The following LRCH4 variants were observed in gnomAD, a reference collection of about 807,000 sequenced individuals.
The protein encoded by LRCH4 is leucine-rich repeat and calponin homology domain-containing protein 4.
LRCH4 carries 56 observed loss-of-function variants against 81.2 expected under a neutral mutation model. The observed-to-expected ratio is 0.69, with a 90% CI of 0.56 to 0.86. LRCH4 has a LOEUF of 0.86. Among genes scored for constraint, LRCH4 ranks in the 40% least tolerant of loss-of-function variants. The pLI is 0.00. For missense variants in LRCH4, 895 were observed against 922.8 expected (o/e 0.97, Z 0.39); for synonymous variants, 442 against 409.7 (o/e 1.08, Z -0.95).
rs375173199 is a variant in LRCH4 at position 100,576,964 on chromosome 7, G to A, written c.1406C>T (p.Ala469Val). The A allele has an allele frequency of 1.1e-5, 17 of 1,592,938 alleles. No individual in the cohort carries two copies. Among genetic ancestry groups the A allele is most frequent in the African/African-American group, 5.4e-5 (4 of 74,672 alleles). Residue 469 changes from alanine to valine, a missense_variant, in exon 13 of 18, where the codon GCG (alanine) becomes GTG (valine). Transcript: ENST00000310300. The part of the protein sequence containing the change: ...KSSASQAGAA[A>V]GQGAPAPAPA... ...GGCAGGGGCGGGGGCTCCCTGCCCC[G>A]CTGCAGCCCCTGCTTGGGAGGCACT...
At chr7:100,576,406 A>C (rs1056763033) in intron 14 of LRCH4, 83 bp from the exon 15 acceptor site, 14 of 904,334 alleles carry the variant, frequency 1.5e-5, no homozygotes, top group Admixed American at 4.4e-5. Flanking sequence ...TGGCACCTAC[A>C]CCTCCTGCCT....
At position 100,577,845 on chromosome 7, in the gene LRCH4, C is replaced by T; in HGVS notation, c.1016G>A (p.Arg339Lys). 1 of 1,613,220 alleles carries T rather than the reference C, an allele frequency of 6.2e-7. No homozygotes were observed. The highest frequency in any genetic ancestry group is 8.5e-7 in the Non-Finnish European group (1 of 1,179,272). ...ACCTGAGCCATCCTCCTTGCGTTCT[C>T]TGGGTCCCCGGGGCTCCCGGGCCAG... is the stretch of plus-strand genomic sequence containing the variant. Reference protein sequence around the residue: ...SELAREPRGPRERKEDGSADG... With the variant: ...SELAREPRGPKERKEDGSADG... Residue 339 changes from arginine to lysine, a missense_variant, in exon 8 of 18, where the codon AGA becomes AAA. By Grantham distance (26) the Arg-to-Lys change is conservative. Transcript: ENST00000310300. The surrounding 1 kb of genome is among the most constrained non-coding windows in gnomAD (Gnocchi z 6.7).
chr7:100,580,403 A>ATC (rs1229771547), intron 4 of LRCH4: 2 of 89,186 alleles, frequency 2.2e-5, no homozygotes, highest in East Asian at 2.4e-4. Context: ...TCATACACAC[A>ATC]TCACACACAC....
chr7:100,574,755 G>GC lies in LRCH4; in HGVS notation c.*351dup, dbSNP rs1052828981. The GC allele has an allele frequency of 1.6e-4, 40 of 255,488 alleles. No individual in the cohort carries two copies. Among genetic ancestry groups the GC allele is most frequent in the Non-Finnish European group, 1.3e-4 (17 of 131,778 alleles). 15.8% of individuals were successfully genotyped at this position (255,488 alleles called of 1,614,324 possible). ...CTCTCTACAAAATAGAGATAATTTA[G>GC]CCCCCCCATAGCAGCTGTTGGGGGG... On this transcript the variant is annotated 3_prime_UTR_variant, in exon 18 of 18. Transcript: ENST00000310300.
At chr7:100,584,815 A>C (rs939870354) in intron 1 of LRCH4, 2 of 456,292 alleles carry the variant, frequency 4.4e-6, no homozygotes, top group African/African-American at 4.0e-5. Context: ...GGGAGAAGTA[A>C]GCACTATCCT....
chr7:100,579,320 C>T (rs567070506), intron 4 of LRCH4: 137 of 155,496 alleles, frequency 8.8e-4, no homozygotes, highest in Non-Finnish European at 1.5e-3. Context: ...AGTCTGGGAC[C>T]GGCACGGTGG....
Position 100,577,753 on chromosome 7 carries a change from G to C in LRCH4, c.1040-13C>G, listed in dbSNP as rs1801419781. 4 of 1,614,100 alleles carry C rather than the reference G, an allele frequency of 2.5e-6. No individual in the cohort carries two copies. The highest frequency in any genetic ancestry group is 2.2e-5 in the East Asian group (1 of 44,876). Reference sequence around the variant, plus strand: ...GGGTCTCCGTCCGCTGGGGAGGCCAGCATGTCAGCAAGTGAGCGGGGACCC... The same window carrying C: ...GGGTCTCCGTCCGCTGGGGAGGCCACCATGTCAGCAAGTGAGCGGGGACCC... On this transcript the variant is annotated splice_polypyrimidine_tract_variant and intron_variant, in intron 8 of 17. Coordinates refer to ENST00000310300, the MANE Select transcript of LRCH4 (RefSeq NM_002319.5). The surrounding 1 kb of genome is among the most constrained non-coding windows in gnomAD (Gnocchi z 6.7).
In LRCH4 at chr7:100,578,850, C is replaced by A; in HGVS notation, c.599-64G>T. On this transcript the variant is annotated intron_variant, in intron 4 of 17. Coordinates refer to ENST00000310300, the MANE Select transcript of LRCH4 (RefSeq NM_002319.5). This position sits in a 1 kb window ranked among gnomAD's most constrained non-coding sequence, Gnocchi z 5.7. ...CAGGGCTGTGGCCTCGTGCTCACTC[C>A]CTCACCCTTGGCTCCAGCTGGCCAG... is the stretch of plus-strand genomic sequence containing the variant. 1 of 1,563,510 alleles carries A rather than the reference C, an allele frequency of 6.4e-7. No homozygotes were observed. Among genetic ancestry groups the A allele is most frequent in the Non-Finnish European group, 8.7e-7 (1 of 1,151,004 alleles).
chr7:100,575,197 C>T lies in LRCH4; in HGVS notation c.1962G>A (p.Trp654Ter), dbSNP rs1801307231. 1 of 1,612,588 alleles carries T rather than the reference C, an allele frequency of 6.2e-7. No individual in the cohort carries two copies. The highest frequency in any genetic ancestry group is 1.3e-5 in the African/African-American group (1 of 74,890). ...RVGGKALPPLWPPSGLGGFVV... is the reference protein window; with the variant it reads ...RVGGKALPPL ...CGAAGCCGCCCAGACCAGAGGGGGG[C>T]CAGAGGGGCGGTAGGGCCTTGCCCC... Residue 654 changes from tryptophan (W) to a stop codon, truncating the protein, a stop_gained, in exon 18 of 18, where the codon TGG becomes TGA. Coordinates refer to ENST00000310300, the MANE Select transcript of LRCH4 (RefSeq NM_002319.5). LOFTEE classifies it high-confidence loss of function. This position sits in a 1 kb window ranked among gnomAD's most constrained non-coding sequence, Gnocchi z 5.3.
At position 100,574,414 on chromosome 7, in the gene LRCH4, G is replaced by A. The variant is rs1157795424; in HGVS notation, c.*693C>T. 2.6e-5 allele frequency: 4 copies of A among 154,542 alleles called. No individual in the cohort carries two copies. Among genetic ancestry groups the A allele is most frequent in the African/African-American group, 9.6e-5 (4 of 41,486 alleles). 9.6% of individuals were successfully genotyped at this position (154,542 alleles called of 1,614,324 possible). ...GTGCCCCCTGCGGCTTCCGGCCTGT[G>A]GCAGGGGGTCGGGGGCAGACCCGAG... On this transcript the variant is annotated 3_prime_UTR_variant, in exon 18 of 18. Coordinates refer to ENST00000310300, the MANE Select transcript of LRCH4 (RefSeq NM_002319.5).
intron 14 of LRCH4, 88 bp downstream of exon 14, chr7:100,576,606 G>T: frequency 8.5e-7 from 1 of 1,178,770 alleles, no homozygotes; most frequent in South Asian, 1.4e-5. Flanking sequence ...AGGTACAACA[G>T]ACCCAGAGGG....
At position 100,586,029 on chromosome 7, in the gene LRCH4, C is replaced by A; in HGVS notation, c.72G>T (p.Gly24=). 6.2e-7 allele frequency: 1 copy of A among 1,601,364 alleles called. No homozygotes were observed. Among genetic ancestry groups the A allele is most frequent in the South Asian group, 1.1e-5 (1 of 89,804 alleles). The stretch of plus-strand genomic sequence containing the variant: ...TGCGTCTCCCCGGCAGACCTGGAGA[C>A]CCGGGCACGGAGGTCGTGGCTGCCG... ...EEAAATTSVP[G]SPGLPGRRSA... is the part of the protein sequence containing the mutation. The change falls in exon 1 of 18, where the codon GGG becomes GGT. Residue 24 remains glycine (G), a synonymous_variant. Coordinates refer to ENST00000310300, the MANE Select transcript of LRCH4 (RefSeq NM_002319.5).
chr7:100,576,942 A>G lies in LRCH4; in HGVS notation c.1428T>C (p.Pro476=), dbSNP rs1584404373. 6.4e-7 allele frequency: 1 copy of G among 1,572,842 alleles called. No homozygotes were observed. The highest frequency in any genetic ancestry group is 1.9e-5 in the Admixed American group (1 of 53,696). Residue 476 remains proline, a synonymous_variant, in exon 13 of 18, where the codon CCT becomes CCC. Transcript: ENST00000310300. ...GAAGGGGCTCTTGGGAGGCAGGGGC[A>G]GGGGCGGGGGCTCCCTGCCCCGCTG... ...GAAAGQGAPA[P]APASQEPLPI...
In LRCH4 at chr7:100,582,673, C is replaced by T. The variant is rs186666856; in HGVS notation, c.221-214G>A. On this transcript the variant is annotated intron_variant, in intron 1 of 17. Coordinates refer to ENST00000310300, the MANE Select transcript of LRCH4 (RefSeq NM_002319.5). This position sits in a 1 kb window ranked among gnomAD's most constrained non-coding sequence, Gnocchi z 5.0. ...GGCACAGGGAAGGCAAAGGCCTTAGCGTCACTGGGCTAGAGAAGCCTCAGA... is the reference window on the plus strand; with the variant it reads ...GGCACAGGGAAGGCAAAGGCCTTAGTGTCACTGGGCTAGAGAAGCCTCAGA... Among the ~76,000 whole-genome samples, 6 of 152,212 alleles carry T rather than the reference C, an allele frequency of 3.9e-5. 1 individual carries two copies. The highest frequency in any genetic ancestry group is 1.2e-4 in the African/African-American group (5 of 41,464).
rs370740530 is a variant in LRCH4 at position 100,583,392 on chromosome 7, G to A, written c.221-933C>T. On this transcript the variant is annotated intron_variant, in intron 1 of 17. Coordinates refer to ENST00000310300, the MANE Select transcript of LRCH4 (RefSeq NM_002319.5). This position sits in a 1 kb window ranked among gnomAD's most constrained non-coding sequence, Gnocchi z 4.3. Reference sequence around the variant, plus strand: ...TTCCCTGTAGCACGGACCCACTAACGGCTTAGACCTGGAGAAGCCTGCCTT... The same window carrying A: ...TTCCCTGTAGCACGGACCCACTAACAGCTTAGACCTGGAGAAGCCTGCCTT... Among the ~76,000 whole-genome samples the A allele has an allele frequency of 8.5e-5, 13 of 152,162 alleles. No individual in the cohort carries two copies. Among genetic ancestry groups the A allele is most frequent in the African/African-American group, 2.7e-4 (11 of 41,444 alleles).
chr7:100,580,404 TCACACACA>T (rs60848197), intron 4 of LRCH4: 1,402 of 137,874 alleles, frequency 0.01, 21 homozygotes, highest in Middle Eastern at 0.074. Flanking sequence ...CATACACACA[TCACACACA>T]CACACACACA....
At chr7:100,579,964 T>G (rs1801479610) in intron 4 of LRCH4, 1 of 152,216 alleles carries the variant, frequency 6.6e-6, no homozygotes, top group African/African-American at 2.4e-5. Flanking sequence ...CTACCCCTTT[T>G]GACTGGGAAG....
In LRCH4 at chr7:100,586,084, G is replaced by T. The variant is rs1319571981; in HGVS notation, c.17C>A (p.Ala6Glu). 6.5e-7 allele frequency: 1 copy of T among 1,535,668 alleles called. No individual in the cohort carries two copies. Among genetic ancestry groups the T allele is most frequent in the African/African-American group, 1.4e-5 (1 of 72,088 alleles). The change falls in exon 1 of 18, where the codon GCG (alanine) becomes GAG (glutamate). Residue 6 changes from alanine (A) to glutamate (E), a missense_variant. By Grantham distance (107) the Ala-to-Glu change is moderately radical (BLOSUM62 -1). Transcript: ENST00000310300. MAAAV[A>E]APLAAGGEEA... ...CTCACCCCCGGCGGCGAGTGGAGCC[G>T]CTACGGCCGCCGCCATCCGCTCCCG...
chr7:100,578,641 C>G lies in LRCH4; in HGVS notation c.735+9G>C. ...CCTGTCCTCGTGGCCCCCCAGGCAC[C>G]CGCCTCACCTGGGCAGGTGGACTCT... On this transcript the variant is annotated intron_variant, in intron 5 of 17. Transcript: ENST00000310300. This position sits in a 1 kb window ranked among gnomAD's most constrained non-coding sequence, Gnocchi z 5.7. The G allele has an allele frequency of 1.2e-6, 2 of 1,612,210 alleles. No individual in the cohort carries two copies. The highest frequency in any genetic ancestry group is 1.7e-6 in the Non-Finnish European group (2 of 1,178,786).
Sources: gnomAD v4.1 joint callset for allele counts (sites outside exome capture counted in the v4.1 genomes callset) on GRCh38, gnomAD v4.1.1 for gene constraint, Gnocchi (gnomAD v3.1) non-coding constraint, MANE v1.5 for transcripts, NCBI Gene and HGNC (gene_info 2026-07-23, HGNC 2026-07-21) for gene names.